The following RBFOX1 variants were observed in gnomAD, a reference collection of about 807,000 sequenced individuals.
RBFOX1 encodes RNA binding protein fox-1 homolog 1.
In RBFOX1, 8 loss-of-function variants were observed where a neutral mutation model predicts 57.7. The observed-to-expected ratio is 0.14, with a 90% CI of 0.08 to 0.25. The LOEUF (loss-of-function observed/expected upper bound fraction) is 0.25, where lower values mean the gene tolerates loss of function less well. Among genes scored for constraint, RBFOX1 ranks in the 10% least tolerant of loss-of-function variants. The pLI, the probability that RBFOX1 is intolerant of heterozygous loss-of-function variation, is 1.00. For synonymous variants in RBFOX1, 326 were observed against 222.4 expected (o/e 1.47, Z -4.15); for missense variants, 611 against 548.5 (o/e 1.11, Z -1.14).
intron 2 of RBFOX1, among the ~76,000 whole-genome samples, chr16:6,634,789 G>GTATTATATATAATACAAAT (rs1176984447): frequency 9.6e-5 from 13 of 135,256 alleles, no homozygotes; most frequent in Non-Finnish European, 1.7e-4. Context: ...ATAATACAAA[G>GTATTATATATAATACAAAT]ATATACATAT....
intron 1 of RBFOX1, among the ~76,000 whole-genome samples, chr16:6,146,133 A>T (rs2096756380): frequency 6.6e-6 from 1 of 151,766 alleles, no homozygotes; most frequent in Non-Finnish European, 1.5e-5. Context: ...CCTTTATATC[A>T]CCCCGAAAAC....
chr16:7,469,513 A>G (rs1046818859), intron 4 of RBFOX1, among the ~76,000 whole-genome samples: 3 of 152,160 alleles, frequency 2.0e-5, no homozygotes, highest in East Asian at 1.9e-4. Flanking sequence ...CTCAGCTTGC[A>G]TGTGGCATCC....
chr16:6,691,117 G>A (rs1445486875), intron 3 of RBFOX1, among the ~76,000 whole-genome samples: 1 of 152,082 alleles, frequency 6.6e-6, no homozygotes, highest in Non-Finnish European at 1.5e-5. Context: ...AAAGTAAAAG[G>A]GAATTACAGA....
At chr16:5,397,669 T>A (rs1324891099) in intron 1 of RBFOX1, among the ~76,000 whole-genome samples, 1 of 152,214 alleles carries the variant, frequency 6.6e-6, no homozygotes, top group African/African-American at 2.4e-5. Context: ...TAAAAGAGAC[T>A]TAAGAGACAC....
intron 2 of RBFOX1, among the ~76,000 whole-genome samples, chr16:6,326,841 G>A (rs1424022612): frequency 1.3e-5 from 2 of 152,132 alleles, no homozygotes; most frequent in East Asian, 3.9e-4. Flanking sequence ...CAGATGGCCC[G>A]AGAGCATAAT....
At chr16:7,434,246 C>T (rs909072580) in intron 4 of RBFOX1, among the ~76,000 whole-genome samples, 2 of 152,036 alleles carry the variant, frequency 1.3e-5, no homozygotes, top group Non-Finnish European at 2.9e-5. Context: ...CCAAGGCAGG[C>T]AGATCACGAC....
At chr16:6,615,293 A>T (rs1431543825) in intron 2 of RBFOX1, among the ~76,000 whole-genome samples, 1 of 152,174 alleles carries the variant, frequency 6.6e-6, no homozygotes, top group Non-Finnish European at 1.5e-5. Flanking sequence ...ATACATTCGT[A>T]TTTAAGATCC....
At chr16:7,540,165 A>G (rs1196977161) in intron 5 of RBFOX1, among the ~76,000 whole-genome samples, 2 of 152,158 alleles carry the variant, frequency 1.3e-5, no homozygotes, top group African/African-American at 4.8e-5. Context: ...CTGCTACTTT[A>G]GAGTTATCTT....
intron 2 of RBFOX1, among the ~76,000 whole-genome samples, chr16:5,518,422 A>T (rs2043876049): frequency 6.6e-6 from 1 of 152,144 alleles, no homozygotes; most frequent in Non-Finnish European, 1.5e-5. Context: ...TTTTCCCATC[A>T]GCTCAAGACT....
chr16:5,293,690 G>A (rs182253251), intron 1 of RBFOX1, among the ~76,000 whole-genome samples: 72 of 152,064 alleles, frequency 4.7e-4, no homozygotes, highest in Non-Finnish European at 9.4e-4. Context: ...TTATATGAAA[G>A]GTCCAGAATA....
rs545375332 is a variant in RBFOX1 at position 5,814,923 on chromosome 16, G to A, written c.319-52380G>A. Among the ~76,000 whole-genome samples, 5 of 151,776 alleles carry A rather than the reference G, an allele frequency of 3.3e-5. No homozygotes were observed. In the East Asian group the frequency reaches 5.8e-4, roughly 18 times the overall value. The stretch of plus-strand genomic sequence containing the variant: ...CGCAGTCCGGCCTGGGCGACAGAGC[G>A]AGACTCCGTCTCAAAAAGAAAAAAA... On this transcript the variant is annotated intron_variant, in intron 3 of 19. Coordinates refer to the RBFOX1 transcript ENST00000641259.
In RBFOX1 at chr16:7,193,740, C is replaced by G. The variant is rs143154552; in HGVS notation, c.27+141642C>G. 1.5e-3 allele frequency among the ~76,000 whole-genome samples: 233 copies of G among 152,284 alleles called. 2 individuals are homozygous for G. Among genetic ancestry groups the G allele is most frequent in the Non-Finnish European group, 2.7e-3 (185 of 68,032 alleles). On this transcript the variant is annotated intron_variant, in intron 4 of 15. Coordinates refer to ENST00000550418, the MANE Select transcript of RBFOX1 (RefSeq NM_018723.4). ...GAAATACAGAGCCCATGCTCTGCAC[C>G]AGCAACCATGGTAGACAGCTCAGAA...
At chr16:7,152,746 G>A (rs1406519670) in intron 4 of RBFOX1, among the ~76,000 whole-genome samples, 1 of 152,150 alleles carries the variant, frequency 6.6e-6, no homozygotes, top group Non-Finnish European at 1.5e-5. Flanking sequence ...AAATAGTTTA[G>A]AATTGTTCCT....
chr16:6,515,865 T>G (rs903962682), intron 2 of RBFOX1, among the ~76,000 whole-genome samples: 1 of 152,202 alleles, frequency 6.6e-6, no homozygotes, highest in African/African-American at 2.4e-5. Context: ...CTCTATCCTT[T>G]AACACCTAGC....
chr16:7,158,839 T>C (rs1209497165), intron 4 of RBFOX1, among the ~76,000 whole-genome samples: 2 of 132,728 alleles, frequency 1.5e-5, no homozygotes, highest in Non-Finnish European at 3.6e-5. Context: ...CTTGTTTGTA[T>C]GGTATGTGTG....
At position 7,036,618 on chromosome 16, in the gene RBFOX1, G is replaced by A. The variant is rs368764161; in HGVS notation, c.-15-15439G>A. On this transcript the variant is annotated intron_variant, in intron 3 of 15. Transcript: ENST00000550418. Reference sequence around the variant, plus strand: ...TGAGGCTGGAGAATCGCTTGAAACCGTAAGGCGGAGGTTGCAGTGAACCGA... The same window carrying A: ...TGAGGCTGGAGAATCGCTTGAAACCATAAGGCGGAGGTTGCAGTGAACCGA... 4.0e-5 allele frequency among the ~76,000 whole-genome samples: 6 copies of A among 151,826 alleles called. No homozygotes were observed. In the South Asian group the frequency reaches 6.2e-4, roughly 16 times the overall value.
intron 14 of RBFOX1, among the ~76,000 whole-genome samples, chr16:7,685,230 C>T (rs2075804912): frequency 1.3e-5 from 2 of 152,174 alleles, no homozygotes; most frequent in South Asian, 4.1e-4. Flanking sequence ...GTTGTCCTGC[C>T]ACAAACCTTG....
intron 2 of RBFOX1, among the ~76,000 whole-genome samples, chr16:6,504,291 G>T (rs1285293464): frequency 1.3e-5 from 2 of 152,174 alleles, no homozygotes; most frequent in African/African-American, 4.8e-5. Flanking sequence ...ATTTGCTTTG[G>T]ATTAAAGGCA....
At chr16:6,261,083 C>G (rs2097698926) in intron 1 of RBFOX1, among the ~76,000 whole-genome samples, 1 of 152,138 alleles carries the variant, frequency 6.6e-6, no homozygotes, top group Non-Finnish European at 1.5e-5. Flanking sequence ...TAAACCTCTG[C>G]ACAAGAGGGA....
Sources: gnomAD v4.1 joint callset for allele counts (sites outside exome capture counted in the v4.1 genomes callset) on GRCh38, gnomAD v4.1.1 for gene constraint, MANE v1.5 for transcripts, NCBI Gene and HGNC (gene_info 2026-07-23, HGNC 2026-07-21) for gene names.